Variants in CDC20 observed in about 807,000 individuals in gnomAD.
The protein encoded by CDC20 is cell division cycle 20, also known as cell division cycle protein 20 homolog.
CDC20 carries 34 observed loss-of-function variants against 60.0 expected under a neutral mutation model. The ratio of observed to expected loss-of-function variants is 0.57; its 90% CI spans 0.43 to 0.75. CDC20 has a LOEUF of 0.75. CDC20 is among the 30% of genes least tolerant of loss of function. CDC20 has a pLI of 0.00. For missense variants in CDC20, 469 were observed against 647.3 expected (o/e 0.72, Z 2.99); for synonymous variants, 198 against 243.5 (o/e 0.81, Z 1.74).
At chr1:43,359,919 C>T (rs1236810189) in intron 4 of CDC20, 50 bp from the exon 5 acceptor site, 1 of 1,604,002 alleles carries the variant, frequency 6.2e-7, no homozygotes, top group East Asian at 2.2e-5. Context: ...AGATTGAGGG[C>T]AAGGGAGGTG....
chr1:43,359,498 A>G lies in CDC20; in HGVS notation c.190A>G (p.Ser64Gly). ...RTPGRTPGKS[S>G]SKVQTTPSKP... is the part of the protein sequence containing the mutation. ...CTCTTTCTCCGCCCCAGGCAAATCC[A>G]GTTCCAAGGTTCAGACCACTCCTAG... Residue 64 changes from serine to glycine, a missense_variant, in exon 3 of 11, where the codon AGT becomes GGT. Ser to Gly is a moderately conservative substitution (Grantham distance 56). This residue lies in a region of CDC20 where 115 missense variants were observed against 156.1 expected (regional missense o/e 0.74). Transcript: ENST00000310955. 6.2e-7 allele frequency: 1 copy of G among 1,614,094 alleles called. No homozygotes were observed. The highest frequency in any genetic ancestry group is 1.1e-5 in the South Asian group (1 of 91,082).
chr1:43,360,239 A>T lies in CDC20; in HGVS notation c.603A>T (p.Ala201=), dbSNP rs778761783. The T allele has an allele frequency of 2.5e-6, 4 of 1,614,102 alleles. No homozygotes were observed. Among genetic ancestry groups the T allele is most frequent in the African/African-American group, 1.3e-5 (1 of 74,946 alleles). The change falls in exon 6 of 11, where the codon GCA becomes GCT. Residue 201 remains alanine, a synonymous_variant. Coordinates refer to ENST00000310955, the MANE Select transcript of CDC20 (RefSeq NM_001255.3). ...GTTCTGGGAATGTACTGGCCGTGGC[A>T]CTGGACAACAGTGTGTACCTGTGGA... The part of the protein sequence containing the change: ...DWSSGNVLAV[A]LDNSVYLWSA...
chr1:43,360,225 G>C lies in CDC20; in HGVS notation c.589G>C (p.Val197Leu). ...LNLVDWSSGN[V>L]LAVALDNSVY... ...CCTTGTGGATTGGAGTTCTGGGAATGTACTGGCCGTGGCACTGGACAACAG... is the reference window on the plus strand; with the variant it reads ...CCTTGTGGATTGGAGTTCTGGGAATCTACTGGCCGTGGCACTGGACAACAG... The change falls in exon 6 of 11, where the codon GTA becomes CTA. Residue 197 changes from valine to leucine, a missense_variant. This residue lies in a region of CDC20 where 255 missense variants were observed against 326.7 expected (regional missense o/e 0.78). Coordinates refer to ENST00000310955, the MANE Select transcript of CDC20 (RefSeq NM_001255.3). The C allele has an allele frequency of 6.2e-7, 1 of 1,614,234 alleles. No individual in the cohort carries two copies. The highest frequency in any genetic ancestry group is 8.5e-7 in the Non-Finnish European group (1 of 1,180,050).
rs759007406 is a variant in CDC20, at chr1:43,360,039, T to C, written c.498T>C (p.Arg166=). Residue 166 remains arginine (R), a synonymous_variant, in exon 5 of 11, where the codon CGT becomes CGC. Coordinates refer to ENST00000310955, the MANE Select transcript of CDC20 (RefSeq NM_001255.3). Reference sequence around the variant, plus strand: ...CTGGCTCCAGCCGGAAGACCTGCCGTTACATTCCTTCCCTGCCAGACCGTA... The same window carrying C: ...CTGGCTCCAGCCGGAAGACCTGCCGCTACATTCCTTCCCTGCCAGACCGTA... The part of the protein sequence containing the change: ...ATPGSSRKTC[R]YIPSLPDRIL... 31 of 1,614,110 alleles carry C rather than the reference T, an allele frequency of 1.9e-5. No individual in the cohort carries two copies. Among genetic ancestry groups the C allele is most frequent in the Non-Finnish European group, 8.5e-7 (1 of 1,180,040 alleles).
At chr1:43,359,447 C>T in intron 2 of CDC20, 43 bp from the exon 3 acceptor site, 2 of 1,613,196 alleles carry the variant, frequency 1.2e-6, no homozygotes, top group Non-Finnish European at 8.5e-7. Flanking sequence ...ATACTTTCTC[C>T]CTGGGGAGCC....
At chr1:43,362,386 C>G (rs1347903079) in intron 10 of CDC20, 74 bp downstream of exon 10, 3 of 696,150 alleles carry the variant, frequency 4.3e-6, no homozygotes, top group Non-Finnish European at 7.9e-6. Context: ...ATAAGCAAAT[C>G]CAGAGAAAAA....
In CDC20 at chr1:43,359,321, G is replaced by A. The variant is rs766651928; in HGVS notation, c.106G>A (p.Ala36Thr). Residue 36 changes from alanine to threonine, a missense_variant, in exon 2 of 11, where the codon GCA becomes ACA. Coordinates refer to ENST00000310955, the MANE Select transcript of CDC20 (RefSeq NM_001255.3). ...CTGGCAGCGCAAAGCCAAGGAAGCC[G>A]CAGGCCCGGCCCCCTCACCCATGCG... Reference protein sequence around the residue: ...ARWQRKAKEAAGPAPSPMRAA... With the variant: ...ARWQRKAKEATGPAPSPMRAA... The A allele has an allele frequency of 6.2e-7, 1 of 1,612,788 alleles. No individual in the cohort carries two copies. Among genetic ancestry groups the A allele is most frequent in the South Asian group, 1.1e-5 (1 of 91,044 alleles).
chr1:43,361,325 C>G, intron 9 of CDC20, 80 bp downstream of exon 9: 5 of 1,367,150 alleles, frequency 3.7e-6, no homozygotes, highest in Non-Finnish European at 4.9e-6. Flanking sequence ...TTCACCAACT[C>G]TATGCCCTGG....
chr1:43,359,737 G>T lies in CDC20; in HGVS notation c.343G>T (p.Ala115Ser). The T allele has an allele frequency of 6.2e-7, 1 of 1,613,884 alleles. No homozygotes were observed. The highest frequency in any genetic ancestry group is 8.5e-7 in the Non-Finnish European group (1 of 1,180,022). Residue 115 changes from alanine to serine, a missense_variant, in exon 4 of 11, where the codon GCC becomes TCC. Ala to Ser is a moderately conservative substitution (Grantham distance 99). Around this residue, in one of 5 missense-constraint regions of CDC20, gnomAD observed 115 missense variants for 156.1 expected, o/e 0.74. Transcript: ENST00000310955. ...CCCTTTATGCCAGGAACATCAGAAA[G>T]CCTGGGCTTTGAACCTGAACGGTTT... ...QTPTKKEHQK[A>S]WALNLNGFDV...
chr1:43,359,244 T>C lies in CDC20; in HGVS notation c.29T>C (p.Leu10Pro), dbSNP rs772384007. ...GCACAGTTCGCGTTCGAGAGTGACC[T>C]GCACTCGCTGCTTCAGCTGGATGCA... MAQFAFESD[L>P]HSLLQLDAPI... Residue 10 changes from leucine (L) to proline (P), a missense_variant, in exon 2 of 11, where the codon CTG becomes CCG. By Grantham distance (98) the Leu-to-Pro change is moderately conservative. This residue lies in a region of CDC20 where 115 missense variants were observed against 156.1 expected (regional missense o/e 0.74). Coordinates refer to ENST00000310955, the MANE Select transcript of CDC20 (RefSeq NM_001255.3). The C allele has an allele frequency of 6.2e-7, 1 of 1,611,572 alleles. No homozygotes were observed.
Position 43,363,137 on chromosome 1 carries a change from C to G in CDC20, c.*8C>G. 1 of 1,606,956 alleles carries G rather than the reference C, an allele frequency of 6.2e-7. No individual in the cohort carries two copies. The highest frequency in any genetic ancestry group is 1.7e-5 in the Admixed American group (1 of 58,156). On this transcript the variant is annotated 3_prime_UTR_variant, in exon 11 of 11. Coordinates refer to ENST00000310955, the MANE Select transcript of CDC20 (RefSeq NM_001255.3). ...CACCAAGGCATCCGCTGAAGACCAA[C>G]CCATCACCTCAGTTGTTTTTTATTT...
At chr1:43,362,652 C>G (rs931794526) in intron 10 of CDC20, among the ~76,000 whole-genome samples, 2 of 152,080 alleles carry the variant, frequency 1.3e-5, no homozygotes, top group Non-Finnish European at 2.9e-5. Context: ...ATCATGAGGT[C>G]AGGAGATAGA....
chr1:43,360,629 T>C (rs1395692054), intron 7 of CDC20, 36 bp downstream of exon 7: 1 of 1,589,714 alleles, frequency 6.3e-7, no homozygotes, highest in East Asian at 2.2e-5. Flanking sequence ...TAGTCTGATA[T>C]TTGCCCACCC....
At chr1:43,359,851 G>A (rs1413969935) in intron 4 of CDC20, 30 bp downstream of exon 4, 1 of 1,610,136 alleles carries the variant, frequency 6.2e-7, no homozygotes, top group Admixed American at 1.7e-5. Flanking sequence ...GTTCCTGGAG[G>A]GAGGTGTCAG....
At chr1:43,359,118 G>T (rs941849757) in intron 1 of CDC20, 49 bp from the exon 2 acceptor site, 1 of 1,294,474 alleles carries the variant, frequency 7.7e-7, no homozygotes, top group Non-Finnish European at 1.1e-6. Context: ...GGCCAGGAGC[G>T]AAGGGGTCCC....
Position 43,359,210 on chromosome 1 carries a change from G to A in CDC20, c.-6G>A. 1 of 1,611,504 alleles carries A rather than the reference G, an allele frequency of 6.2e-7. No homozygotes were observed. Among genetic ancestry groups the A allele is most frequent in the Admixed American group, 1.7e-5 (1 of 60,018 alleles). On this transcript the variant is annotated 5_prime_UTR_variant, in exon 2 of 11. Coordinates refer to ENST00000310955, the MANE Select transcript of CDC20 (RefSeq NM_001255.3). Reference sequence around the variant, plus strand: ...TGCAAGGACCCCTCCCCCTGCGGGCGCTCCCATGGCACAGTTCGCGTTCGA... The same window carrying A: ...TGCAAGGACCCCTCCCCCTGCGGGCACTCCCATGGCACAGTTCGCGTTCGA...
At position 43,362,184 on chromosome 1, in the gene CDC20, C is replaced by A. The variant is rs1048140729; in HGVS notation, c.1204-11C>A. On this transcript the variant is annotated splice_polypyrimidine_tract_variant and intron_variant, in intron 9 of 10. Transcript: ENST00000310955. Reference sequence around the variant, plus strand: ...GCTATATGTCATGCCCACACCAGCTCCTCTCCACAGGTGTGCTCCATCCTC... The same window carrying A: ...GCTATATGTCATGCCCACACCAGCTACTCTCCACAGGTGTGCTCCATCCTC... 1.0e-5 allele frequency: 16 copies of A among 1,557,382 alleles called. No individual in the cohort carries two copies. The East Asian group carries it at 2.7e-4, about 26-fold the overall frequency.
chr1:43,361,710 C>G (rs903678356), intron 9 of CDC20, among the ~76,000 whole-genome samples: 2 of 152,190 alleles, frequency 1.3e-5, no homozygotes, highest in Non-Finnish European at 2.9e-5. Context: ...ATCCTCCATG[C>G]TGTGGTCTGT....
intron 4 of CDC20, 63 bp downstream of exon 4, chr1:43,359,884 G>C: frequency 6.2e-7 from 1 of 1,609,718 alleles, no homozygotes; most frequent in South Asian, 1.1e-5. Context: ...GCTGAGCACA[G>C]ATATCTGTCT....
Sources: gnomAD v4.1 joint callset for allele counts (sites outside exome capture counted in the v4.1 genomes callset) on GRCh38, gnomAD v4.1.1 for gene constraint, gnomAD v4.1.1 regional missense constraint, MANE v1.5 for transcripts, NCBI Gene and HGNC (gene_info 2026-07-23, HGNC 2026-07-21) for gene names.